TPGS2: variants seen among roughly 807,000 people sequenced by gnomAD.
The protein encoded by TPGS2 is tubulin polyglutamylase complex subunit 2, also known as polyglutamylase subunit 2.
A neutral mutation model predicts 31.1 loss-of-function variants in TPGS2; 26 were observed. The ratio of observed to expected loss-of-function variants is 0.84; its 90% confidence interval spans 0.61 to 1.16. The LOEUF is 1.16. TPGS2 is among the 50% of genes most tolerant of loss of function. The pLI, the probability that TPGS2 is intolerant of heterozygous loss-of-function variation, is 0.00. For missense variants in TPGS2, 351 were observed against 363.8 expected (o/e 0.96, Z 0.29); for synonymous variants, 130 against 136.6 (o/e 0.95, Z 0.34).
rs2044535001 is a variant in TPGS2, at chr18:36,796,568, C to T, written c.*237G>A. The T allele has an allele frequency of 7.6e-7, 1 of 1,312,356 alleles. No homozygotes were observed. Among genetic ancestry groups the T allele is most frequent in the Non-Finnish European group, 9.6e-7 (1 of 1,037,192 alleles). 81.3% of individuals were successfully genotyped at this position (1,312,356 alleles called of 1,614,324 possible). On this transcript the variant is annotated 3_prime_UTR_variant, in exon 7 of 7. Transcript: ENST00000334295. ...AGGAAAGCACTCAGACTTATTTGGG[C>T]ACTTACACAAGATTCCAAATTCCCC...
intron 1 of TPGS2, among the ~76,000 whole-genome samples, chr18:36,822,385 C>G (rs2045933893): frequency 6.6e-6 from 1 of 152,292 alleles, no homozygotes; most frequent in South Asian, 2.1e-4. Context: ...ATAAATTATA[C>G]TTGGGACTAA....
downstream of TPGS2, chr18:36,780,056 A>T (rs959683607): frequency 3.1e-6 from 3 of 983,070 alleles, no homozygotes; most frequent in Non-Finnish European, 3.9e-6. Flanking sequence ...GTTTAATGCC[A>T]TAATGAGAAA....
intron 1 of TPGS2, among the ~76,000 whole-genome samples, chr18:36,828,268 T>C (rs112243812): frequency 1.3e-5 from 2 of 152,288 alleles, no homozygotes; most frequent in Admixed American, 6.5e-5. Flanking sequence ...CCCGACGTAG[T>C]TGTCGCCCTG....
At chr18:36,807,673 G>GC (rs1226257269) in intron 3 of TPGS2, 174 bp downstream of exon 3, 3 of 614,432 alleles carry the variant, frequency 4.9e-6, no homozygotes, top group Non-Finnish European at 8.6e-6. Flanking sequence ...GGTGGGTGAA[G>GC]CAATGATGGC....
At chr18:36,808,067 A>C in intron 2 of TPGS2, 133 bp from the exon 3 acceptor site, 1 of 848,704 alleles carries the variant, frequency 1.2e-6, no homozygotes, top group Non-Finnish European at 1.9e-6. Flanking sequence ...GTCACCTACA[A>C]AACTCTATTA....
At chr18:36,780,121 G>C (rs1600701413), downstream of TPGS2, 1 of 1,232,024 alleles carries the variant, frequency 8.1e-7, no homozygotes, top group East Asian at 3.2e-5. Flanking sequence ...CGCCTCTTCA[G>C]AATGGCAAAA....
chr18:36,798,347 C>T (rs1028995677), intron 6 of TPGS2, 102 bp downstream of exon 6: 148 of 1,566,226 alleles, frequency 9.4e-5, no homozygotes, highest in Middle Eastern at 2.2e-4. Flanking sequence ...CACCCTAGAT[C>T]TCCTGAATCA....
chr18:36,800,920 C>T (rs1345611211), intron 4 of TPGS2, among the ~76,000 whole-genome samples: 2 of 152,192 alleles, frequency 1.3e-5, no homozygotes, highest in Non-Finnish European at 2.9e-5. Flanking sequence ...GAACTCCTGA[C>T]CTCAAGTGAT....
intron 4 of TPGS2, among the ~76,000 whole-genome samples, chr18:36,802,387 A>C (rs1473484880): frequency 6.6e-6 from 1 of 152,172 alleles, no homozygotes; most frequent in Non-Finnish European, 1.5e-5. Context: ...CCTTTAAGAC[A>C]CGTTTTTAAA....
rs370050883 is a variant in TPGS2, at chr18:36,818,879, T to C, written c.165+15A>G. ...TCTCTTTGATGGGAGGTAGAGTTCA[T>C]GTGGCAACACTTACTTGTTCCCAGG... On this transcript the variant is annotated intron_variant, in intron 2 of 6. Transcript: ENST00000334295. 6 of 1,610,940 alleles carry C rather than the reference T, an allele frequency of 3.7e-6. No individual in the cohort carries two copies. The highest frequency in any genetic ancestry group is 2.7e-5 in the African/African-American group (2 of 74,874).
downstream of TPGS2, among the ~76,000 whole-genome samples, chr18:36,781,389 G>C (rs539078589): frequency 9.9e-5 from 15 of 152,130 alleles, no homozygotes; most frequent in East Asian, 9.7e-4. Context: ...TGCGGTGGCT[G>C]ACGCCTGTAA....
intron 2 of TPGS2, among the ~76,000 whole-genome samples, chr18:36,817,438 T>G (rs1178766359): frequency 6.6e-6 from 1 of 151,872 alleles, no homozygotes; most frequent in East Asian, 1.9e-4. Flanking sequence ...TCTTTCTTTT[T>G]TTTTTTTTTT....
At chr18:36,793,904 A>AT (rs2044404877), downstream of TPGS2, among the ~76,000 whole-genome samples, 2 of 151,912 alleles carry the variant, frequency 1.3e-5, no homozygotes, top group East Asian at 1.9e-4. Context: ...CGCCCGGCTA[A>AT]TTTTTGTTTT....
intron 2 of TPGS2, 54 bp downstream of exon 2, chr18:36,818,840 C>T: frequency 1.3e-6 from 2 of 1,504,290 alleles, no homozygotes; most frequent in Non-Finnish European, 1.8e-6. Flanking sequence ...TTCTCAGGGA[C>T]ATTTACACTG....
At chr18:36,792,643 T>A (rs951355296), downstream of TPGS2, among the ~76,000 whole-genome samples, 1 of 152,196 alleles carries the variant, frequency 6.6e-6, no homozygotes, top group Admixed American at 6.5e-5. Flanking sequence ...GCTGGAACCT[T>A]TCCTGGCAAT....
rs1437558334 is a variant in TPGS2, at chr18:36,823,869, G to T, written c.85+4814C>A. 7.1e-6 allele frequency: 7 copies of T among 985,154 alleles called. No individual in the cohort carries two copies. The African/African-American group carries it at 1.2e-4, about 17-fold the overall frequency. The allele number at this position is 985,154 out of a possible 1,614,324, so 61.0% of individuals were successfully genotyped here. A position where few individuals can be genotyped will look rare whatever the true frequency, so the allele number is the denominator to read the frequency against. ...GGTGTGGTATCTCATCATCTTCACA[G>T]TCCTGTGGATTAGAGTAGGAATTCT... On this transcript the variant is annotated intron_variant, in intron 1 of 6. Coordinates refer to ENST00000334295, the MANE Select transcript of TPGS2 (RefSeq NM_015476.4).
intron 1 of TPGS2, among the ~76,000 whole-genome samples, chr18:36,820,811 T>C (rs547621089): frequency 6.6e-6 from 1 of 152,360 alleles, no homozygotes; most frequent in South Asian, 2.1e-4. Flanking sequence ...ATAGAAATTA[T>C]ACATTGTTCT....
At chr18:36,801,441 C>A (rs892641972) in intron 4 of TPGS2, among the ~76,000 whole-genome samples, 1 of 152,150 alleles carries the variant, frequency 6.6e-6, no homozygotes, top group Non-Finnish European at 1.5e-5. Context: ...TCAAGCAATC[C>A]TCCTGCCTCA....
downstream of TPGS2, among the ~76,000 whole-genome samples, chr18:36,782,407 T>C (rs1338024413): frequency 6.6e-6 from 1 of 152,216 alleles, no homozygotes; most frequent in Non-Finnish European, 1.5e-5. Flanking sequence ...CACATCGGAC[T>C]CACCTGGATG....
Sources: gnomAD v4.1 joint callset for allele counts (sites outside exome capture counted in the v4.1 genomes callset) on GRCh38, gnomAD v4.1.1 for gene constraint, MANE v1.5 for transcripts, NCBI Gene and HGNC (gene_info 2026-07-23, HGNC 2026-07-21) for gene names.